Variants in NPLOC4 observed in about 807,000 individuals in gnomAD.
NPLOC4 encodes the protein NPL4 homolog, ubiquitin recognition factor, also known as nuclear protein localization protein 4 homolog.
A neutral mutation model predicts 80.6 loss-of-function variants in NPLOC4; 18 were observed. The ratio of observed to expected loss-of-function variants is 0.22; its 90% CI spans 0.15 to 0.33. The LOEUF is 0.33. Ranked by LOEUF, NPLOC4 falls within the 10% of genes least tolerant of loss-of-function variation. The probability of loss-of-function intolerance (pLI) is 1.00; values close to 1 mark genes in which losing one functional copy is unlikely to be tolerated. For synonymous variants in NPLOC4, 313 were observed against 301.5 expected (o/e 1.04, Z -0.39); for missense variants, 540 against 786.1 (o/e 0.69, Z 3.74).
intron 7 of NPLOC4, 119 bp from the exon 8 acceptor site, chr17:81,604,846 AG>A: frequency 1.1e-6 from 1 of 900,660 alleles, no homozygotes; most frequent in Non-Finnish European, 1.7e-6. Flanking sequence ...ACAAACCAAT[AG>A]GGTGTGATGG....
At chr17:81,595,405 G>A (rs2034875139) in intron 11 of NPLOC4, among the ~76,000 whole-genome samples, 1 of 137,304 alleles carries the variant, frequency 7.3e-6, no homozygotes, top group African/African-American at 2.7e-5. Context: ...CTGCACTCCA[G>A]CCTAAATGAC....
chr17:81,626,549 C>T (rs1251813292), intron 2 of NPLOC4, among the ~76,000 whole-genome samples: 3 of 152,124 alleles, frequency 2.0e-5, no homozygotes, highest in African/African-American at 7.2e-5. Flanking sequence ...GCTTCAAATG[C>T]TCAACAGGAC....
chr17:81,616,566 T>A (rs1322053388), intron 3 of NPLOC4, among the ~76,000 whole-genome samples: 1 of 149,516 alleles, frequency 6.7e-6, no homozygotes, highest in African/African-American at 2.5e-5. Context: ...CCGTCTCTAC[T>A]AAAAATAGAA....
At chr17:81,626,960 C>T (rs1209896477) in intron 2 of NPLOC4, among the ~76,000 whole-genome samples, 3 of 151,214 alleles carry the variant, frequency 2.0e-5, no homozygotes, top group African/African-American at 4.9e-5. Flanking sequence ...CATGGTGGTG[C>T]GAGCCTGTAG....
intron 1 of NPLOC4, 37 bp from the exon 2 acceptor site, chr17:81,629,842 T>C: frequency 6.8e-7 from 1 of 1,471,738 alleles, no homozygotes; most frequent in Non-Finnish European, 9.5e-7. Flanking sequence ...CTGCACAGCC[T>C]AGTGAGGTCC....
At chr17:81,564,190 A>G in intron 16 of NPLOC4, 1 of 194,456 alleles carries the variant, frequency 5.1e-6, no homozygotes, top group South Asian at 6.1e-5. Context: ...ATCATACCCC[A>G]ACCTCAGCAT....
chr17:81,560,534 C>A (rs545200818), intron 16 of NPLOC4: 2 of 152,334 alleles, frequency 1.3e-5, no homozygotes, highest in South Asian at 4.1e-4. Flanking sequence ...TGGTGAAACC[C>A]CGTCTCTACT....
intron 2 of NPLOC4, among the ~76,000 whole-genome samples, chr17:81,627,109 G>A (rs1343616719): frequency 6.6e-6 from 1 of 151,446 alleles, no homozygotes; most frequent in Non-Finnish European, 1.5e-5. Context: ...AAAGAAAAAG[G>A]GCCAGGTGTG....
chr17:81,606,674 G>C lies in NPLOC4; in HGVS notation c.654+17C>G, dbSNP rs758138316. On this transcript the variant is annotated intron_variant, in intron 7 of 16. Coordinates refer to ENST00000331134, the MANE Select transcript of NPLOC4 (RefSeq NM_017921.4). ...TCAGCCATGAAAACAAATCTAGACA[G>C]ACAGGGAACATCTCACCTGTCTGTT... The C allele has an allele frequency of 6.2e-7, 1 of 1,607,252 alleles. No individual in the cohort carries two copies. The highest frequency in any genetic ancestry group is 1.3e-5 in the African/African-American group (1 of 74,676).
At position 81,567,398 on chromosome 17, in the gene NPLOC4, A is replaced by G; in HGVS notation, c.1566+19T>C. On this transcript the variant is annotated intron_variant, in intron 15 of 16. Coordinates refer to ENST00000331134, the MANE Select transcript of NPLOC4 (RefSeq NM_017921.4). This position sits in a 1 kb window ranked among gnomAD's most constrained non-coding sequence, Gnocchi z 4.5. ...CCAAAGCCCACTTGCTCAAGTGGAC[A>G]CCACACTTGGACACGCACCTGCAGA... 1 of 1,499,818 alleles carries G rather than the reference A, an allele frequency of 6.7e-7. No homozygotes were observed. The highest frequency in any genetic ancestry group is 9.3e-7 in the Non-Finnish European group (1 of 1,078,482). The allele number at this position is 1,499,818 out of a possible 1,614,324, so 92.9% of individuals were successfully genotyped here.
At chr17:81,617,770 T>C (rs2144274921) in intron 3 of NPLOC4, among the ~76,000 whole-genome samples, 1 of 149,572 alleles carries the variant, frequency 6.7e-6, no homozygotes, top group East Asian at 2.1e-4. Flanking sequence ...CTGATTCTCC[T>C]GCCTCAGCCT....
chr17:81,607,659 TAG>T (rs1424105908), intron 6 of NPLOC4, among the ~76,000 whole-genome samples: 1 of 152,050 alleles, frequency 6.6e-6, no homozygotes, highest in Non-Finnish European at 1.5e-5. Context: ...ACGCCCCCAC[TAG>T]AGACTGTGTT....
intron 1 of NPLOC4, among the ~76,000 whole-genome samples, chr17:81,631,142 C>G (rs931606836): frequency 2.0e-5 from 3 of 150,970 alleles, no homozygotes; most frequent in African/African-American, 7.3e-5. Flanking sequence ...CATTGCGTGA[C>G]GAAGAGCAAG....
At chr17:81,607,158 C>T (rs1598660459) in intron 6 of NPLOC4, among the ~76,000 whole-genome samples, 1 of 152,216 alleles carries the variant, frequency 6.6e-6, no homozygotes, top group Non-Finnish European at 1.5e-5. Flanking sequence ...ACTGAGCGGG[C>T]ATGAGGCTCC....
At chr17:81,564,471 AAAT>A (rs2033949330) in intron 16 of NPLOC4, 1 of 152,146 alleles carries the variant, frequency 6.6e-6, no homozygotes. Context: ...ACAAAAATAA[AAAT>A]AATAAACAAA....
chr17:81,636,862 C>T, intron 1 of NPLOC4, 54 bp downstream of exon 1: 1 of 1,390,502 alleles, frequency 7.2e-7, no homozygotes, highest in Non-Finnish European at 9.4e-7. Flanking sequence ...CCGAGGCCGG[C>T]AAATCTGCTG....
chr17:81,615,050 T>C (rs756405430), intron 3 of NPLOC4, among the ~76,000 whole-genome samples: 54 of 151,470 alleles, frequency 3.6e-4, no homozygotes, highest in Non-Finnish European at 6.8e-4. Flanking sequence ...CCTCCCTAAT[T>C]TGGGGGTGAT....
At chr17:81,622,795 C>G (rs1482300574) in intron 2 of NPLOC4, among the ~76,000 whole-genome samples, 2 of 152,148 alleles carry the variant, frequency 1.3e-5, no homozygotes, top group East Asian at 3.9e-4. Flanking sequence ...AGGTGATCCG[C>G]CCACCTTGGC....
chr17:81,573,600 T>A lies in NPLOC4; in HGVS notation c.1282-1512A>T, dbSNP rs1220934904. 2.0e-5 allele frequency: 3 copies of A among 152,208 alleles called. 1 individual carries two copies. Among genetic ancestry groups the A allele is most frequent in the African/African-American group, 2.4e-5 (1 of 41,446 alleles). The allele number at this position is 152,208 out of a possible 1,614,324, so 9.4% of individuals were successfully genotyped here. ...CCTCACTATTGTACTTGACTAGTCT[T>A]AAAAAATAATAAAAAATTTTTAAAT... On this transcript the variant is annotated intron_variant, in intron 12 of 16. Transcript: ENST00000331134.
Sources: gnomAD v4.1 joint callset for allele counts (sites outside exome capture counted in the v4.1 genomes callset) on GRCh38, gnomAD v4.1.1 for gene constraint, Gnocchi (gnomAD v3.1) non-coding constraint, MANE v1.5 for transcripts, NCBI Gene and HGNC (gene_info 2026-07-23, HGNC 2026-07-21) for gene names.